The following SMAD7 variants were observed in gnomAD, a reference collection of about 807,000 sequenced individuals.
The protein encoded by SMAD7 is SMAD family member 7.
A neutral mutation model predicts 38.7 loss-of-function variants in SMAD7; 8 were observed. The observed-to-expected ratio is 0.21, with a 90% CI of 0.12 to 0.37. The LOEUF (loss-of-function observed/expected upper bound fraction) is 0.37, where lower values mean the gene tolerates loss of function less well. Among genes scored for constraint, SMAD7 ranks in the 10% least tolerant of loss-of-function variants. The pLI, the probability that SMAD7 is intolerant of heterozygous loss-of-function variation, is 1.00. For synonymous variants in SMAD7, 327 were observed against 265.1 expected (o/e 1.23, Z -2.27); for missense variants, 477 against 577.9 (o/e 0.83, Z 1.79).
chr18:48,946,839 G>A (rs1403227859), intron 2 of SMAD7, among the ~76,000 whole-genome samples: 3 of 152,186 alleles, frequency 2.0e-5, no homozygotes, highest in African/African-American at 4.8e-5. Flanking sequence ...GTCTCTGCAG[G>A]AAACCCAAGG....
Position 48,921,797 on chromosome 18 carries a change from T to C in SMAD7, c.856A>G (p.Ile286Val). ...LYCVQEPSLD[I>V]FYDLPQGNGF... ...TTCCCCTGAGGTAGATCATAGAAGATATCCAGAGAGGGCTCCTGGACACAG... is the reference window on the plus strand; with the variant it reads ...TTCCCCTGAGGTAGATCATAGAAGACATCCAGAGAGGGCTCCTGGACACAG... The change falls in exon 4 of 4, where the codon ATC becomes GTC. Residue 286 changes from isoleucine (I) to valine (V), a missense_variant. By Grantham distance (29) the Ile-to-Val change is conservative. This residue lies in a region of SMAD7 where 101 missense variants were observed against 198.5 expected (regional missense o/e 0.51). Transcript: ENST00000262158. This position sits in a 1 kb window ranked among gnomAD's most constrained non-coding sequence, Gnocchi z 6.4. 1 of 1,614,194 alleles carries C rather than the reference T, an allele frequency of 6.2e-7. No individual in the cohort carries two copies. The highest frequency in any genetic ancestry group is 1.1e-5 in the South Asian group (1 of 91,082).
intron 2 of SMAD7, among the ~76,000 whole-genome samples, chr18:48,946,425 G>GGGGGT (rs2070195623): frequency 6.7e-6 from 1 of 149,784 alleles, no homozygotes; most frequent in Non-Finnish European, 1.5e-5. Context: ...GACCTGTGAG[G>GGGGGT]GGGGCGGGGG....
intron 1 of SMAD7, among the ~76,000 whole-genome samples, chr18:48,949,601 CTT>C (rs1433523261): frequency 2.6e-5 from 4 of 152,172 alleles, no homozygotes; most frequent in Admixed American, 2.6e-4. Flanking sequence ...AGGGAATGCC[CTT>C]TGAGTTTCCC....
chr18:48,921,507 G>A lies in SMAD7; in HGVS notation c.1146C>T (p.Asp382=), dbSNP rs1176329380. The change falls in exon 4 of 4, where the codon GAC becomes GAT. Residue 382 remains aspartate, a synonymous_variant. Coordinates refer to ENST00000262158, the MANE Select transcript of SMAD7 (RefSeq NM_005904.4). The surrounding 1 kb of genome is among the most constrained non-coding windows in gnomAD (Gnocchi z 6.4). Reference sequence around the variant, plus strand: ...TCCACGGCTGCTGCATAAACTCGTGGTCATTGGGCCGCTGCAGGCTGTACG... The same window carrying A: ...TCCACGGCTGCTGCATAAACTCGTGATCATTGGGCCGCTGCAGGCTGTACG... The part of the protein sequence containing the change: ...EKAYSLQRPN[D]HEFMQQPWTG... 1 of 1,614,230 alleles carries A rather than the reference G, an allele frequency of 6.2e-7. No homozygotes were observed.
rs1313914551 is a variant in SMAD7 at position 48,950,638 on chromosome 18, G to A, written c.-214C>T. The A allele has an allele frequency of 3.4e-5, 6 of 175,432 alleles. No homozygotes were observed. In the East Asian group the frequency reaches 7.5e-4, roughly 22 times the overall value. The allele number at this position is 175,432 out of a possible 1,614,324, so 10.9% of individuals were successfully genotyped here. A position where few individuals can be genotyped will look rare whatever the true frequency, so the allele number is the denominator to read the frequency against. ...CCGGGGCGCGCGCGGGGGCCCGGGG[G>A]CGCCCGCCGGGGATCGGGGGCCTGC... On this transcript the variant is annotated 5_prime_UTR_variant, in exon 1 of 4. Coordinates refer to ENST00000262158, the MANE Select transcript of SMAD7 (RefSeq NM_005904.4).
chr18:48,946,552 C>CT (rs1361266806), intron 2 of SMAD7, among the ~76,000 whole-genome samples: 2 of 152,142 alleles, frequency 1.3e-5, no homozygotes, highest in African/African-American at 4.8e-5. Context: ...TTTCTCATTT[C>CT]TTTTTTTGTT....
chr18:48,934,061 A>G (rs1363519093), intron 3 of SMAD7, among the ~76,000 whole-genome samples: 2 of 152,206 alleles, frequency 1.3e-5, no homozygotes, highest in African/African-American at 2.4e-5. Flanking sequence ...GAACAATGAC[A>G]TCAACAAAGA....
intron 2 of SMAD7, among the ~76,000 whole-genome samples, chr18:48,945,518 T>C (rs1311092787): frequency 2.0e-5 from 3 of 152,132 alleles, no homozygotes; most frequent in African/African-American, 7.2e-5. Context: ...AGGCACATCA[T>C]CATGCCTGTA....
intron 3 of SMAD7, among the ~76,000 whole-genome samples, chr18:48,928,443 C>T (rs1303975259): frequency 6.6e-6 from 1 of 150,906 alleles, no homozygotes; most frequent in East Asian, 1.9e-4. Flanking sequence ...CATCTCTAAA[C>T]CAACTTTTTT....
rs1555716118 is a variant in SMAD7 at position 48,929,569 on chromosome 18, T to TCACACACACACACACACACA, written c.743-7660_743-7659insTGTGTGTGTGTGTGTGTGTG. 7.7e-3 allele frequency among the ~76,000 whole-genome samples: 887 copies of TCACACACACACACACACACA among 114,532 alleles called. 23 individuals are homozygous for TCACACACACACACACACACA. Among genetic ancestry groups the TCACACACACACACACACACA allele is most frequent in the African/African-American group, 0.029 (842 of 28,872 alleles). 75.1% of individuals were successfully genotyped at this position (114,532 alleles called of 152,430 possible). A position where few individuals can be genotyped will look rare whatever the true frequency, so the allele number is the denominator to read the frequency against. The stretch of plus-strand genomic sequence containing the variant: ...CTCTCTTTCTCTCTCTCTCTCTCTC[T>TCACACACACACACACACACA]CACTCACACACACACACACACACAC... On this transcript the variant is annotated intron_variant, in intron 3 of 3. Transcript: ENST00000262158.
chr18:48,928,595 T>C (rs546958841), intron 3 of SMAD7, among the ~76,000 whole-genome samples: 167 of 151,972 alleles, frequency 1.1e-3, no homozygotes, highest in Admixed American at 3.2e-3. Context: ...TTCCCTGAAG[T>C]TTCTCCTCCC....
rs112609655 is a variant in SMAD7, at chr18:48,925,777, C to T, written c.743-3867G>A. 1.2e-3 allele frequency among the ~76,000 whole-genome samples: 182 copies of T among 151,762 alleles called. 1 individual carries two copies. Among genetic ancestry groups the T allele is most frequent in the African/African-American group, 3.9e-3 (163 of 41,328 alleles). The stretch of plus-strand genomic sequence containing the variant: ...CTTTTTTTTTTTTGAGATGGAGTCT[C>T]GCTCTGTCGCCCAGGCTGGAGTGCA... On this transcript the variant is annotated intron_variant, in intron 3 of 3. Transcript: ENST00000262158.
At chr18:48,929,060 A>G (rs552199684) in intron 3 of SMAD7, among the ~76,000 whole-genome samples, 1 of 150,828 alleles carries the variant, frequency 6.6e-6, no homozygotes, top group Admixed American at 6.6e-5. Context: ...AAGGGTGGGG[A>G]CTCCCGACCC....
At chr18:48,947,240 C>T (rs74625175) in intron 2 of SMAD7, among the ~76,000 whole-genome samples, 1,699 of 152,326 alleles carry the variant, frequency 0.011, 14 homozygotes, top group Non-Finnish European at 0.017. Flanking sequence ...CAAGCAGGAA[C>T]GCCTTCCCAA....
At chr18:48,949,534 G>A (rs1040302037) in intron 1 of SMAD7, among the ~76,000 whole-genome samples, 1 of 152,156 alleles carries the variant, frequency 6.6e-6, no homozygotes. Context: ...GACTGCAGGA[G>A]CAGTGCCCGT....
At position 48,921,374 on chromosome 18, in the gene SMAD7, A is replaced by T; in HGVS notation, c.1279T>A (p.Ter427LysextTer21). Residue 427 changes from the stop codon to lysine (K), a stop_lost, in exon 4 of 4, where the codon TAG becomes AAG. Transcript: ENST00000262158. The surrounding 1 kb of genome is among the most constrained non-coding windows in gnomAD (Gnocchi z 6.4). ...CGCTCTGTCCCCTCCGCACGCGGCTACCGGCTGTTGAAGATGACCTCTAGC... is the reference window on the plus strand; with the variant it reads ...CGCTCTGTCCCCTCCGCACGCGGCTTCCGGCTGTTGAAGATGACCTCTAGC... ...CWLEVIFNSR[*>K] is the part of the protein sequence containing the mutation. 6.2e-7 allele frequency: 1 copy of T among 1,608,622 alleles called. No homozygotes were observed. The highest frequency in any genetic ancestry group is 8.5e-7 in the Non-Finnish European group (1 of 1,175,916).
At position 48,949,254 on chromosome 18, in the gene SMAD7, CTT is replaced by C. The variant is rs773487072; in HGVS notation, c.613+556_613+557del. 2.7e-4 allele frequency: 270 copies of C among 984,332 alleles called. 1 individual carries two copies. The highest frequency in any genetic ancestry group is 3.2e-4 in the Non-Finnish European group (267 of 829,008). The allele number at this position is 984,332 out of a possible 1,614,324, so 61.0% of individuals were successfully genotyped here. On this transcript the variant is annotated intron_variant, in intron 1 of 3. Coordinates refer to ENST00000262158, the MANE Select transcript of SMAD7 (RefSeq NM_005904.4). ...CCAGTTCGGCCTTCCATCCAACTCT[CTT>C]TGCCCCAAAACTCCAAAGGTGCGCG...
At chr18:48,941,407 C>T (rs1432830078) in intron 3 of SMAD7, among the ~76,000 whole-genome samples, 1 of 152,212 alleles carries the variant, frequency 6.6e-6, no homozygotes, top group Admixed American at 6.5e-5. Context: ...AAGAGGAGAG[C>T]CGGGGAGGGA....
intron 3 of SMAD7, among the ~76,000 whole-genome samples, chr18:48,930,688 G>T (rs1366141799): frequency 6.7e-6 from 1 of 148,824 alleles, no homozygotes; most frequent in Non-Finnish European, 1.5e-5. Context: ...CGGTGGGTAG[G>T]GCTCCCCCAC....
Sources: allele counts gnomAD v4.1 joint callset (sites outside exome capture counted in the v4.1 genomes callset), GRCh38; gene constraint gnomAD v4.1.1; regional missense constraint gnomAD v4.1.1; non-coding constraint Gnocchi (gnomAD v3.1); transcripts MANE v1.5; gene names NCBI Gene and HGNC (gene_info 2026-07-23, HGNC 2026-07-21).